The following GOLGA4 variants were observed in gnomAD, a reference collection of about 807,000 sequenced individuals.
GOLGA4 encodes the protein golgin A4.
A neutral mutation model predicts 265.9 loss-of-function variants in GOLGA4; 169 were observed. The ratio of observed to expected loss-of-function variants is 0.64; its 90% CI spans 0.56 to 0.72. The LOEUF (loss-of-function observed/expected upper bound fraction) is 0.72. Ranked by LOEUF, GOLGA4 falls within the 30% of genes least tolerant of loss-of-function variation. The pLI is 0.00. For missense variants in GOLGA4, 2,482 were observed against 2,483.4 expected (o/e 1.00, Z 0.01); for synonymous variants, 923 against 855.8 (o/e 1.08, Z -1.37).
intron 2 of GOLGA4, among the ~76,000 whole-genome samples, chr3:37,261,182 A>T (rs1560285848): frequency 2.0e-5 from 3 of 152,078 alleles, no homozygotes; most frequent in Non-Finnish European, 4.4e-5. Context: ...AAAAAAAAAG[A>T]AAAAAGTCTG....
At chr3:37,305,268 C>T (rs1362991146) in intron 10 of GOLGA4, among the ~76,000 whole-genome samples, 1 of 152,086 alleles carries the variant, frequency 6.6e-6, no homozygotes, top group East Asian at 1.9e-4. Context: ...CTTTAGATAA[C>T]AAAGTTGTAA....
At chr3:37,273,444 G>A in intron 2 of GOLGA4, 1 of 679,576 alleles carries the variant, frequency 1.5e-6, no homozygotes, top group Non-Finnish European at 2.6e-6. Context: ...AAATGTATCT[G>A]ATAGGTCTTG....
chr3:37,329,950 G>A lies in GOLGA4; in HGVS notation c.6192+857G>A, dbSNP rs111726805. Among the ~76,000 whole-genome samples the A allele has an allele frequency of 3.5e-3, 528 of 150,728 alleles. 3 individuals carry two copies. Among genetic ancestry groups the A allele is most frequent in the African/African-American group, 0.012 (486 of 40,220 alleles). On this transcript the variant is annotated intron_variant, in intron 16 of 23. Transcript: ENST00000361924. ...GACTATGTCAGCAGAAGTCTGAGTC[G>A]GGAACAGATTCTAATAATTATTTTA...
chr3:37,315,282 C>A (rs1412518756), intron 10 of GOLGA4, 138 bp from the exon 11 acceptor site: 4 of 713,666 alleles, frequency 5.6e-6, no homozygotes, highest in Non-Finnish European at 9.3e-6. Context: ...ACTCCAGTAT[C>A]TCTTGGCTTA....
intron 4 of GOLGA4, among the ~76,000 whole-genome samples, chr3:37,287,280 G>A (rs966191828): frequency 6.6e-6 from 1 of 152,202 alleles, no homozygotes; most frequent in African/African-American, 2.4e-5. Flanking sequence ...GGCAGAGGTT[G>A]CATTAAGCCA....
intron 2 of GOLGA4, among the ~76,000 whole-genome samples, chr3:37,258,434 TC>T (rs1426267055): frequency 6.6e-6 from 1 of 151,952 alleles, no homozygotes; most frequent in East Asian, 1.9e-4. Context: ...TTCAAGTGAT[TC>T]TCCTGCCTCA....
chr3:37,244,675 A>G (rs1413462085), intron 1 of GOLGA4, among the ~76,000 whole-genome samples: 3 of 152,228 alleles, frequency 2.0e-5, no homozygotes, highest in African/African-American at 7.2e-5. Flanking sequence ...CGATTGCATT[A>G]GGTTTATTCT....
chr3:37,344,709 G>T (rs940202828), intron 20 of GOLGA4, among the ~76,000 whole-genome samples: 2 of 151,888 alleles, frequency 1.3e-5, no homozygotes, highest in African/African-American at 4.8e-5. Flanking sequence ...TTTTCTTTAA[G>T]AATTGTTTAT....
At position 37,325,739 on chromosome 3, in the gene GOLGA4, C is replaced by G. The variant is rs1202790939; in HGVS notation, c.3853C>G (p.Gln1285Glu). Residue 1285 changes from glutamine to glutamate, a missense_variant, in exon 14 of 24, where the codon CAA becomes GAA. By Grantham distance (29) the Gln-to-Glu change is conservative. This residue lies in a region of GOLGA4 where 1,536 missense variants were observed against 1,483.7 expected (regional missense o/e 1.04). Coordinates refer to ENST00000361924, the MANE Select transcript of GOLGA4 (RefSeq NM_002078.5). ...EAQLRQLTEE[Q>E]NTLNISFQQA... ...ACAACTTAGACAGTTGACAGAGGAG[C>G]AAAATACACTAAATATTTCTTTTCA... 6.2e-7 allele frequency: 1 copy of G among 1,613,368 alleles called. No homozygotes were observed.
chr3:37,303,941 A>T (rs2096899708), intron 10 of GOLGA4, among the ~76,000 whole-genome samples: 1 of 152,188 alleles, frequency 6.6e-6, no homozygotes, highest in Admixed American at 6.5e-5. Flanking sequence ...AAATAAGCAA[A>T]CCTAAGAACA....
At chr3:37,302,775 A>G (rs2096896408) in intron 10 of GOLGA4, 1 of 155,920 alleles carries the variant, frequency 6.4e-6, no homozygotes, top group Admixed American at 6.4e-5. Context: ...GGTAAACAAA[A>G]AGTCTAAGTT....
rs1000749936 is a variant in GOLGA4, at chr3:37,325,264, A to G, written c.3378A>G (p.Ala1126=). ...KQKSAHVNSL[A]QDETKLKAHL... ...AGTCTGCCCATGTGAATTCTCTTGC[A>G]CAAGATGAAACTAAACTGAAAGCTC... The change falls in exon 14 of 24, where the codon GCA becomes GCG. Residue 1126 remains alanine (A), a synonymous_variant. Coordinates refer to ENST00000361924, the MANE Select transcript of GOLGA4 (RefSeq NM_002078.5). The G allele has an allele frequency of 1.2e-6, 2 of 1,613,354 alleles. No homozygotes were observed. The highest frequency in any genetic ancestry group is 4.5e-5 in the East Asian group (2 of 44,868).
At chr3:37,314,372 G>C (rs1285920430) in intron 10 of GOLGA4, among the ~76,000 whole-genome samples, 1 of 152,052 alleles carries the variant, frequency 6.6e-6, no homozygotes, top group Non-Finnish European at 1.5e-5. Context: ...CAGATGCAGT[G>C]TCTCATGCCT....
At chr3:37,247,902 C>T (rs949902682) in intron 1 of GOLGA4, among the ~76,000 whole-genome samples, 1 of 152,166 alleles carries the variant, frequency 6.6e-6, no homozygotes, top group African/African-American at 2.4e-5. Context: ...AGCAGAAGTA[C>T]GTCCCTCTGC....
Position 37,326,284 on chromosome 3 carries a change from G to C in GOLGA4, c.4398G>C (p.Gln1466His). ...HQNTVKELQI[Q>H]LELKSKEAYE... ...ACACTGTTAAAGAATTGCAGATCCA[G>C]CTTGAGTTAAAATCAAAGGAAGCTT... The change falls in exon 14 of 24, where the codon CAG becomes CAC. Residue 1466 changes from glutamine to histidine, a missense_variant. By Grantham distance (24) the Gln-to-His change is conservative. Around this residue, in one of 3 missense-constraint regions of GOLGA4, gnomAD observed 942 missense variants for 983.1 expected, o/e 0.96. Coordinates refer to ENST00000361924, the MANE Select transcript of GOLGA4 (RefSeq NM_002078.5). 6.2e-7 allele frequency: 1 copy of C among 1,612,808 alleles called. No homozygotes were observed. Among genetic ancestry groups the C allele is most frequent in the Non-Finnish European group, 8.5e-7 (1 of 1,179,326 alleles).
intron 12 of GOLGA4, chr3:37,319,744 A>C (rs1190392621): frequency 6.6e-6 from 1 of 152,214 alleles, no homozygotes; most frequent in African/African-American, 2.4e-5. Flanking sequence ...ACATTTAAAA[A>C]ATTTTAACAA....
At chr3:37,246,528 A>G (rs149475519) in intron 1 of GOLGA4, among the ~76,000 whole-genome samples, 78 of 152,356 alleles carry the variant, frequency 5.1e-4, no homozygotes, top group African/African-American at 1.5e-3. Flanking sequence ...AAAAGGATGA[A>G]TACATGACTC....
At chr3:37,277,690 C>T (rs1231168984) in intron 2 of GOLGA4, among the ~76,000 whole-genome samples, 1 of 152,040 alleles carries the variant, frequency 6.6e-6, no homozygotes, top group Non-Finnish European at 1.5e-5. Flanking sequence ...ACAGATCTTA[C>T]AATTAAGTTT....
At chr3:37,308,874 A>G (rs972948170) in intron 10 of GOLGA4, among the ~76,000 whole-genome samples, 1 of 151,752 alleles carries the variant, frequency 6.6e-6, no homozygotes, top group Non-Finnish European at 1.5e-5. Flanking sequence ...TCGGCCTCCC[A>G]AAGGGCTGGG....
Sources: allele counts gnomAD v4.1 joint callset (sites outside exome capture counted in the v4.1 genomes callset), GRCh38; gene constraint gnomAD v4.1.1; regional missense constraint gnomAD v4.1.1; transcripts MANE v1.5; gene names NCBI Gene and HGNC (gene_info 2026-07-23, HGNC 2026-07-21).